The following ADAMTS17 variants were observed in gnomAD, a reference collection of about 807,000 sequenced individuals.
The protein encoded by ADAMTS17 is ADAM metallopeptidase with thrombospondin type 1 motif 17.
Under a neutral mutation model 141.5 loss-of-function variants are expected in ADAMTS17, and 113 were observed. The ratio of observed to expected loss-of-function variants is 0.80; its 90% CI spans 0.69 to 0.93. ADAMTS17 has a LOEUF of 0.93. Ranked by LOEUF, ADAMTS17 falls within the 40% of genes least tolerant of loss-of-function variation. The probability of loss-of-function intolerance (pLI) is 0.00; values close to 1 mark genes in which losing one functional copy is unlikely to be tolerated. For synonymous variants in ADAMTS17, 768 were observed against 630.6 expected, an observed-to-expected ratio of 1.22 and a Z score of -3.27; for missense variants, 1,659 against 1,517.9, an observed-to-expected ratio of 1.09 and a Z score of -1.54.
intron 7 of ADAMTS17, among the ~76,000 whole-genome samples, chr15:100,239,609 T>C (rs2042766723): frequency 6.6e-6 from 1 of 152,098 alleles, no homozygotes. Flanking sequence ...GGAGGAAGTG[T>C]TGGAGACGGG....
chr15:100,140,484 C>CATATATATATATATATATATAT (rs1164353969), intron 10 of ADAMTS17, among the ~76,000 whole-genome samples: 416 of 40,636 alleles, frequency 0.01, 6 homozygotes, highest in Middle Eastern at 0.019. Context: ...CACACACATA[C>CATATATATATATATATATATAT]ATACATATAT....
At chr15:100,071,916 CAGG>C (rs1325752082) in intron 15 of ADAMTS17, among the ~76,000 whole-genome samples, 1 of 150,010 alleles carries the variant, frequency 6.7e-6, no homozygotes, top group Non-Finnish European at 1.5e-5. Context: ...GGCAGTCAGG[CAGG>C]AGAAGGAAAT....
At chr15:100,118,944 C>G (rs1417864419) in intron 12 of ADAMTS17, among the ~76,000 whole-genome samples, 2 of 152,040 alleles carry the variant, frequency 1.3e-5, no homozygotes, top group Non-Finnish European at 1.5e-5. Context: ...ACAGGGTCAA[C>G]AGGGCACAGA....
chr15:100,292,575 TGA>T (rs1402797892), intron 3 of ADAMTS17, among the ~76,000 whole-genome samples: 2 of 151,766 alleles, frequency 1.3e-5, no homozygotes, highest in Non-Finnish European at 2.9e-5. Flanking sequence ...TGTGAAATTA[TGA>T]GAGACACTAA....
intron 2 of ADAMTS17, among the ~76,000 whole-genome samples, chr15:100,334,663 G>A (rs939224004): frequency 6.6e-6 from 1 of 152,208 alleles, no homozygotes; most frequent in Non-Finnish European, 1.5e-5. Context: ...GCCACGCGGG[G>A]CTTCCCAACC....
At chr15:100,238,533 C>G (rs2042729827) in intron 7 of ADAMTS17, among the ~76,000 whole-genome samples, 1 of 152,218 alleles carries the variant, frequency 6.6e-6, no homozygotes, top group South Asian at 2.1e-4. Context: ...AACACAGAAT[C>G]TGTGATGGAC....
intron 18 of ADAMTS17, among the ~76,000 whole-genome samples, chr15:100,026,395 G>A (rs2061516151): frequency 6.6e-6 from 1 of 152,164 alleles, no homozygotes; most frequent in Non-Finnish European, 1.5e-5. Flanking sequence ...CACCTATGTG[G>A]AAGCTAAAGC....
chr15:99,990,917 G>A (rs1312753163), intron 20 of ADAMTS17, among the ~76,000 whole-genome samples: 6 of 152,126 alleles, frequency 3.9e-5, no homozygotes, highest in African/African-American at 1.4e-4. Flanking sequence ...ACAAGCAATG[G>A]GGAAAGGATT....
intron 10 of ADAMTS17, among the ~76,000 whole-genome samples, chr15:100,149,774 TCA>T (rs1404045228): frequency 3.9e-5 from 6 of 152,186 alleles, no homozygotes; most frequent in Non-Finnish European, 8.8e-5. Context: ...CATCCATGAG[TCA>T]CACCTCCTAT....
At chr15:100,277,791 T>C (rs58220865) in intron 4 of ADAMTS17, among the ~76,000 whole-genome samples, 1,801 of 152,350 alleles carry the variant, frequency 0.012, 37 homozygotes, top group African/African-American at 0.042. Flanking sequence ...TCCAGGTGTA[T>C]GCCCAAAAGA....
intron 20 of ADAMTS17, among the ~76,000 whole-genome samples, chr15:99,981,356 G>A (rs953931987): frequency 6.6e-6 from 1 of 152,234 alleles, no homozygotes; most frequent in Non-Finnish European, 1.5e-5. Context: ...CCATGAGGCA[G>A]GGCCAGGTGT....
intron 2 of ADAMTS17, among the ~76,000 whole-genome samples, chr15:100,339,835 T>C (rs887709098): frequency 2.6e-5 from 4 of 152,168 alleles, no homozygotes; most frequent in African/African-American, 9.7e-5. Context: ...CAGACTGATC[T>C]AGGAAACTAC....
At chr15:100,062,352 CCA>C (rs1462903058) in intron 15 of ADAMTS17, among the ~76,000 whole-genome samples, 2 of 152,130 alleles carry the variant, frequency 1.3e-5, no homozygotes, top group Non-Finnish European at 2.9e-5. Context: ...AGGGGGGGAT[CCA>C]CAGAGTGTGG....
At chr15:100,133,048 G>A (rs1001120856) in intron 11 of ADAMTS17, among the ~76,000 whole-genome samples, 166 bp downstream of exon 11, 5 of 152,248 alleles carry the variant, frequency 3.3e-5, no homozygotes, top group Admixed American at 3.3e-4. Flanking sequence ...ATGAGGTGAT[G>A]TAGGCACCAC....
At chr15:100,001,097 C>T (rs1018153165) in intron 18 of ADAMTS17, among the ~76,000 whole-genome samples, 11 of 152,094 alleles carry the variant, frequency 7.2e-5, no homozygotes, top group Admixed American at 5.2e-4. Context: ...AAATATTCAG[C>T]GGGGCAGACA....
rs915921630 is a variant in ADAMTS17 at position 99,993,101 on chromosome 15, C to A, written c.2896G>T (p.Ala966Ser). 3 of 1,614,170 alleles carry A rather than the reference C, an allele frequency of 1.9e-6. No homozygotes were observed. The highest frequency in any genetic ancestry group is 1.3e-5 in the African/African-American group (1 of 75,052). The change falls in exon 20 of 22, where the codon GCC (alanine) becomes TCC (serine). Residue 966 changes from alanine to serine, a missense_variant. Coordinates refer to ENST00000268070, the MANE Select transcript of ADAMTS17 (RefSeq NM_139057.4). The surrounding 1 kb of genome is among the most constrained non-coding windows in gnomAD (Gnocchi z 4.3). ...TAGCAGCCTGAGTAGTCCTCGCAGG[C>A]CTCCTCGGCTCTCGGCCTCGTGGAT... Reference protein sequence around the residue: ...DASTRPRAEEACEDYSGCYEW... With the variant: ...DASTRPRAEESCEDYSGCYEW...
intron 18 of ADAMTS17, among the ~76,000 whole-genome samples, chr15:100,020,445 C>T (rs1461728242): frequency 6.6e-6 from 1 of 152,168 alleles, no homozygotes; most frequent in Non-Finnish European, 1.5e-5. Flanking sequence ...GGGGCTCTGG[C>T]ATGCAGCTTT....
chr15:100,104,057 A>G (rs1166900962), intron 14 of ADAMTS17, among the ~76,000 whole-genome samples: 1 of 152,216 alleles, frequency 6.6e-6, no homozygotes, highest in Non-Finnish European at 1.5e-5. Flanking sequence ...ACTGAATTGG[A>G]GAATGTTGGC....
intron 2 of ADAMTS17, among the ~76,000 whole-genome samples, chr15:100,339,653 CCCGCCCCAGG>C: frequency 8.4e-6 from 1 of 119,488 alleles, no homozygotes; most frequent in African/African-American, 3.1e-5. Flanking sequence ...GTCCACATTC[CCCGCCCCAGG>C]TCCACATTCC....
Sources: allele counts gnomAD v4.1 joint callset (sites outside exome capture counted in the v4.1 genomes callset), GRCh38; gene constraint gnomAD v4.1.1; non-coding constraint Gnocchi (gnomAD v3.1); transcripts MANE v1.5; gene names NCBI Gene and HGNC (gene_info 2026-07-23, HGNC 2026-07-21).